The following LRRC4C variants were observed in gnomAD, a reference collection of about 807,000 sequenced individuals.
LRRC4C encodes the protein leucine rich repeat containing 4C.
LRRC4C carries 5 observed loss-of-function variants against 33.6 expected under a neutral mutation model. The observed-to-expected ratio is 0.15, with a 90% confidence interval of 0.08 to 0.31. The LOEUF (loss-of-function observed/expected upper bound fraction) is 0.31. LRRC4C is among the 10% of genes least tolerant of loss of function. The pLI, the probability that LRRC4C is intolerant of heterozygous loss-of-function variation, is 1.00. For missense variants in LRRC4C, 560 were observed against 796.7 expected (o/e 0.70, Z 3.58); for synonymous variants, 329 against 302.0 (o/e 1.09, Z -0.93).
At chr11:40,676,577 C>A (rs1048627522) in intron 2 of LRRC4C, among the ~76,000 whole-genome samples, 5 of 152,114 alleles carry the variant, frequency 3.3e-5, no homozygotes, top group Non-Finnish European at 7.4e-5. Context: ...AATGTTTTGC[C>A]TTCCAAAACT....
At chr11:40,437,384 ACTTT>A (rs754636184) in intron 3 of LRRC4C, among the ~76,000 whole-genome samples, 4 of 148,798 alleles carry the variant, frequency 2.7e-5, no homozygotes, top group Admixed American at 6.7e-5. Flanking sequence ...CTTTCCAATG[ACTTT>A]CTTTTTTTCT....
intron 1 of LRRC4C, among the ~76,000 whole-genome samples, chr11:41,452,204 G>A (rs1011685380): frequency 3.3e-5 from 5 of 151,992 alleles, no homozygotes; most frequent in Non-Finnish European, 7.4e-5. Context: ...TGTACACCCT[G>A]CACCATTGTG....
intron 2 of LRRC4C, among the ~76,000 whole-genome samples, chr11:40,838,551 T>G (rs564935353): frequency 3.9e-5 from 6 of 152,166 alleles, no homozygotes; most frequent in Non-Finnish European, 7.4e-5. Flanking sequence ...TCTGTGTACT[T>G]GCTATGTGCA....
At chr11:40,220,599 G>T (rs1864332017) in intron 5 of LRRC4C, among the ~76,000 whole-genome samples, 1 of 152,068 alleles carries the variant, frequency 6.6e-6, no homozygotes, top group African/African-American at 2.4e-5. Flanking sequence ...GATCCATCTT[G>T]TTGGCAAAAG....
chr11:40,305,489 C>T (rs772310037), intron 4 of LRRC4C, among the ~76,000 whole-genome samples: 3 of 151,822 alleles, frequency 2.0e-5, no homozygotes, highest in Non-Finnish European at 2.9e-5. Context: ...GATAAGAAGT[C>T]GAGGTAGAGA....
chr11:40,147,130 C>T (rs1052937194), intron 5 of LRRC4C, among the ~76,000 whole-genome samples: 31 of 152,088 alleles, frequency 2.0e-4, no homozygotes, highest in Admixed American at 1.3e-4. Context: ...TGACTTTTTC[C>T]CAACTTCATT....
chr11:41,448,643 T>C (rs1208857527), intron 1 of LRRC4C, among the ~76,000 whole-genome samples: 3 of 152,152 alleles, frequency 2.0e-5, no homozygotes, highest in African/African-American at 7.2e-5. Flanking sequence ...TTCTTATACA[T>C]GCAAACACAG....
At chr11:40,811,836 C>A (rs1951504424) in intron 2 of LRRC4C, among the ~76,000 whole-genome samples, 2 of 152,070 alleles carry the variant, frequency 1.3e-5, no homozygotes, top group Admixed American at 1.3e-4. Flanking sequence ...CTTGGGTTGT[C>A]CTTGTATGTG....
At chr11:41,071,625 G>A (rs1056999654) in intron 1 of LRRC4C, among the ~76,000 whole-genome samples, 4 of 152,132 alleles carry the variant, frequency 2.6e-5, no homozygotes, top group African/African-American at 9.7e-5. Context: ...GATATACAAG[G>A]AGATTAATGT....
intron 1 of LRRC4C, among the ~76,000 whole-genome samples, chr11:41,105,516 A>T (rs991914321): frequency 6.6e-6 from 1 of 152,076 alleles, no homozygotes; most frequent in African/African-American, 2.4e-5. Context: ...TGATTAGCAC[A>T]GGTAGTTTTT....
intron 1 of LRRC4C, among the ~76,000 whole-genome samples, chr11:41,350,744 A>G (rs1002788763): frequency 6.6e-6 from 1 of 152,322 alleles, no homozygotes; most frequent in Middle Eastern, 3.4e-3. Context: ...GGAATCCCAT[A>G]AAGTCATAGA....
At chr11:40,433,969 G>T (rs1204080358) in intron 3 of LRRC4C, among the ~76,000 whole-genome samples, 1 of 152,112 alleles carries the variant, frequency 6.6e-6, no homozygotes, top group Non-Finnish European at 1.5e-5. Context: ...AATCCTAAAG[G>T]TTAAATAACC....
chr11:40,274,995 A>T lies in LRRC4C; in HGVS notation c.-175-33397T>A, dbSNP rs984883068. ...TAGACTATCGAAGTGAATAATAGAC[A>T]TGGTGGTCATTTGTCACACACTTGT... On this transcript the variant is annotated intron_variant, in intron 4 of 6. Coordinates refer to ENST00000528697, the MANE Select transcript of LRRC4C (RefSeq NM_001258419.2). Among the ~76,000 whole-genome samples, 3 of 152,116 alleles carry T rather than the reference A, an allele frequency of 2.0e-5. No homozygotes were observed. The East Asian group carries it at 5.8e-4, about 29-fold the overall frequency.
At chr11:41,034,507 T>C (rs545215757) in intron 1 of LRRC4C, among the ~76,000 whole-genome samples, 360 of 144,836 alleles carry the variant, frequency 2.5e-3, no homozygotes, top group Non-Finnish European at 4.0e-3. Context: ...ATATACAAAA[T>C]ATATGTGTGT....
chr11:40,352,034 T>C (rs1470233924), intron 3 of LRRC4C, among the ~76,000 whole-genome samples: 1 of 152,114 alleles, frequency 6.6e-6, no homozygotes, highest in Non-Finnish European at 1.5e-5. Context: ...TTATTATTGA[T>C]AAATAAAGAC....
At chr11:40,779,919 C>G (rs1437034340) in intron 2 of LRRC4C, among the ~76,000 whole-genome samples, 2 of 152,000 alleles carry the variant, frequency 1.3e-5, no homozygotes, top group African/African-American at 2.4e-5. Context: ...ATGGTTGTAC[C>G]AATTTATCAT....
chr11:40,633,385 T>TTCTTTCTCTCTCTCTC (rs1555125632), intron 3 of LRRC4C, among the ~76,000 whole-genome samples: 4 of 96,226 alleles, frequency 4.2e-5, no homozygotes, highest in Admixed American at 1.1e-4. Context: ...CTCTCTTTCT[T>TTCTTTCTCTCTCTCTC]TCTTTCTTTC....
chr11:40,709,097 T>C (rs568125988), intron 2 of LRRC4C, among the ~76,000 whole-genome samples: 2 of 152,308 alleles, frequency 1.3e-5, no homozygotes, highest in East Asian at 3.9e-4. Context: ...CCTATGTGTG[T>C]CTCTGCATGT....
intron 3 of LRRC4C, among the ~76,000 whole-genome samples, chr11:40,505,967 C>A (rs1955016038): frequency 6.6e-6 from 1 of 152,014 alleles, no homozygotes; most frequent in Non-Finnish European, 1.5e-5. Context: ...TTTATTCTGT[C>A]TTGAAGTTTT....
Sources: allele counts gnomAD v4.1 joint callset (sites outside exome capture counted in the v4.1 genomes callset), GRCh38; gene constraint gnomAD v4.1.1; transcripts MANE v1.5; gene names NCBI Gene and HGNC (gene_info 2026-07-23, HGNC 2026-07-21).